The following ADAMTS12 variants were observed in gnomAD, a reference collection of about 807,000 sequenced individuals.
ADAMTS12 encodes ADAM metallopeptidase with thrombospondin type 1 motif 12, also known as A disintegrin and metalloproteinase with thrombospondin motifs 12.
A neutral mutation model predicts 167.8 loss-of-function variants in ADAMTS12; 118 were observed. The observed-to-expected ratio is 0.70, with a 90% CI of 0.61 to 0.82. The LOEUF (loss-of-function observed/expected upper bound fraction) is 0.82. Among genes scored for constraint, ADAMTS12 ranks in the 40% least tolerant of loss-of-function variants. The pLI, the probability that ADAMTS12 is intolerant of heterozygous loss-of-function variation, is 0.00. For synonymous variants in ADAMTS12, 704 were observed against 716.9 expected (o/e 0.98, Z 0.29); for missense variants, 1,916 against 1,998.8 (o/e 0.96, Z 0.79).
intron 19 of ADAMTS12, among the ~76,000 whole-genome samples, chr5:33,572,366 T>C (rs1245576336): frequency 0.012 from 1,867 of 151,880 alleles, 19 homozygotes; most frequent in African/African-American, 0.026. Flanking sequence ...ACTGGCAAAC[T>C]GAATCCAGCA....
At chr5:33,875,014 G>A (rs1750173618) in intron 2 of ADAMTS12, among the ~76,000 whole-genome samples, 1 of 152,188 alleles carries the variant, frequency 6.6e-6, no homozygotes, top group African/African-American at 2.4e-5. Context: ...GTTGCAGTGA[G>A]CTGAGATCAT....
chr5:33,797,925 TA>T (rs958486790), intron 2 of ADAMTS12, among the ~76,000 whole-genome samples: 13 of 152,160 alleles, frequency 8.5e-5, no homozygotes, highest in African/African-American at 2.9e-4. Flanking sequence ...AGTACTAACA[TA>T]AAAAGTGAAC....
chr5:33,680,586 T>G lies in ADAMTS12; in HGVS notation c.915+2432A>C, dbSNP rs141688035. On this transcript the variant is annotated intron_variant, in intron 5 of 23. Coordinates refer to ENST00000504830, the MANE Select transcript of ADAMTS12 (RefSeq NM_030955.4). ...GGAATGCCTATGTGCTCAACCAGTA[T>G]GAAAAAGTAAAATTTTTTTCTCCAA... Among the ~76,000 whole-genome samples, 379 of 152,272 alleles carry G rather than the reference T, an allele frequency of 2.5e-3. 3 individuals are homozygous for G. Among genetic ancestry groups the G allele is most frequent in the African/African-American group, 8.6e-3 (357 of 41,560 alleles).
Position 33,747,263 on chromosome 5 carries a change from T to C in ADAMTS12, c.634+4141A>G, listed in dbSNP as rs569054261. Among the ~76,000 whole-genome samples the C allele has an allele frequency of 2.5e-4, 38 of 152,234 alleles. No individual in the cohort carries two copies. The South Asian group carries it at 7.7e-3, about 31-fold the overall frequency. On this transcript the variant is annotated intron_variant, in intron 3 of 23. Coordinates refer to ENST00000504830, the MANE Select transcript of ADAMTS12 (RefSeq NM_030955.4). ...ACTCTGGGTCCAGGGGAGACAACTA[T>C]TCATTGAGAATCTATAGCCACAAGC...
intron 2 of ADAMTS12, among the ~76,000 whole-genome samples, chr5:33,755,033 T>C (rs542378565): frequency 6.6e-6 from 1 of 152,092 alleles, no homozygotes; most frequent in African/African-American, 2.4e-5. Context: ...GATGCAGAAA[T>C]AGAACATTAC....
intron 5 of ADAMTS12, among the ~76,000 whole-genome samples, chr5:33,677,741 C>A (rs970535492): frequency 6.6e-6 from 1 of 152,132 alleles, no homozygotes; most frequent in Non-Finnish European, 1.5e-5. Context: ...GTTTTCTTGG[C>A]CCATGGTTTC....
In ADAMTS12 at chr5:33,542,188, T is replaced by C. The variant is rs563409615; in HGVS notation, c.4446+3871A>G. On this transcript the variant is annotated intron_variant, in intron 22 of 23. Transcript: ENST00000504830. ...AGCAAAAAAAAAGCAGGGGTTGCAA[T>C]CCTAGTCTCTGATAAAACAGACTTT... Among the ~76,000 whole-genome samples, 6 of 151,622 alleles carry C rather than the reference T, an allele frequency of 4.0e-5. No individual in the cohort carries two copies. In the East Asian group the frequency reaches 9.7e-4, roughly 24 times the overall value.
At chr5:33,745,247 C>T (rs763902700) in intron 3 of ADAMTS12, among the ~76,000 whole-genome samples, 28 of 152,142 alleles carry the variant, frequency 1.8e-4, no homozygotes, top group Non-Finnish European at 3.1e-4. Flanking sequence ...TGGGTCAGAA[C>T]AGAACAAGCC....
At chr5:33,674,340 T>C (rs1200302301) in intron 5 of ADAMTS12, among the ~76,000 whole-genome samples, 5 of 152,204 alleles carry the variant, frequency 3.3e-5, no homozygotes, top group Non-Finnish European at 7.3e-5. Context: ...CCAGTGCCTG[T>C]AATAGGAACT....
intron 3 of ADAMTS12, among the ~76,000 whole-genome samples, chr5:33,731,856 A>G (rs893439504): frequency 1.3e-5 from 2 of 152,064 alleles, no homozygotes; most frequent in African/African-American, 4.8e-5. Context: ...AAATTATTCC[A>G]TATAGATATA....
intron 16 of ADAMTS12, among the ~76,000 whole-genome samples, chr5:33,602,465 C>T (rs1283177330): frequency 1.3e-5 from 2 of 152,178 alleles, no homozygotes; most frequent in Non-Finnish European, 2.9e-5. Context: ...ATTCGTCCTC[C>T]TATTATCTTT....
At chr5:33,532,821 G>A (rs1301741102) in intron 23 of ADAMTS12, among the ~76,000 whole-genome samples, 1 of 152,070 alleles carries the variant, frequency 6.6e-6, no homozygotes, top group East Asian at 1.9e-4. Context: ...ATATACTTAG[G>A]AGTATGTTAT....
chr5:33,631,894 G>C (rs1739957132), intron 12 of ADAMTS12, among the ~76,000 whole-genome samples: 1 of 152,124 alleles, frequency 6.6e-6, no homozygotes, highest in South Asian at 2.1e-4. Flanking sequence ...AGGACTCAAT[G>C]GTACCAGCCA....
At chr5:33,649,023 C>G (rs1740781832) in intron 8 of ADAMTS12, 57 bp from the exon 9 acceptor site, 3 of 1,586,842 alleles carry the variant, frequency 1.9e-6, no homozygotes, top group East Asian at 4.5e-5. Flanking sequence ...TTACCTTCAG[C>G]CTTTCATTCA....
At chr5:33,655,511 C>T (rs1319318022) in intron 7 of ADAMTS12, among the ~76,000 whole-genome samples, 2 of 151,774 alleles carry the variant, frequency 1.3e-5, no homozygotes, top group African/African-American at 2.4e-5. Flanking sequence ...TTATTGTCTA[C>T]CTTCCCTGTT....
At chr5:33,531,390 A>G (rs755573532) in intron 23 of ADAMTS12, among the ~76,000 whole-genome samples, 1 of 152,262 alleles carries the variant, frequency 6.6e-6, no homozygotes, top group African/African-American at 2.4e-5. Context: ...GATACAAATT[A>G]TTAAGCATTT....
intron 16 of ADAMTS12, among the ~76,000 whole-genome samples, chr5:33,604,308 C>T (rs1738322621): frequency 6.6e-6 from 1 of 152,048 alleles, no homozygotes; most frequent in Non-Finnish European, 1.5e-5. Context: ...TCGAGACCAG[C>T]CTGGCCAACA....
intron 16 of ADAMTS12, among the ~76,000 whole-genome samples, chr5:33,598,514 TG>T (rs1738027556): frequency 6.6e-6 from 1 of 152,242 alleles, no homozygotes; most frequent in Non-Finnish European, 1.5e-5. Flanking sequence ...GTGATATTCA[TG>T]CTGTTGGAGG....
chr5:33,753,465 A>C (rs1745069456), intron 2 of ADAMTS12, among the ~76,000 whole-genome samples: 1 of 152,212 alleles, frequency 6.6e-6, no homozygotes, highest in African/African-American at 2.4e-5. Context: ...CAAGAGGAAA[A>C]TGTGAGCCTG....
Sources: allele counts gnomAD v4.1 joint callset (sites outside exome capture counted in the v4.1 genomes callset), GRCh38; gene constraint gnomAD v4.1.1; transcripts MANE v1.5; gene names NCBI Gene and HGNC (gene_info 2026-07-23, HGNC 2026-07-21).